Variants in DHX37 observed in about 807,000 individuals in gnomAD.
DHX37 encodes the protein DEAH-box helicase 37.
Under a neutral mutation model 134.3 loss-of-function variants are expected in DHX37, and 52 were observed. The ratio of observed to expected loss-of-function variants is 0.39; its 90% confidence interval spans 0.31 to 0.49. The LOEUF (loss-of-function observed/expected upper bound fraction) is 0.49. Ranked by LOEUF, DHX37 falls within the 20% of genes least tolerant of loss-of-function variation. The pLI is 0.93. For missense variants in DHX37, 1,344 were observed against 1,580.8 expected (o/e 0.85, Z 2.54); for synonymous variants, 634 against 670.7 (o/e 0.95, Z 0.85).
chr12:124,975,393 C>G (rs1460527041), intron 6 of DHX37, 26 bp downstream of exon 6: 1 of 1,609,994 alleles, frequency 6.2e-7, no homozygotes, highest in Non-Finnish European at 8.5e-7. Flanking sequence ...ACCCCATAGT[C>G]CGCCCCAGGG....
intron 13 of DHX37, 97 bp from the exon 14 acceptor site, chr12:124,965,103 C>A: frequency 7.4e-7 from 1 of 1,354,276 alleles, no homozygotes. Flanking sequence ...GCTGCTCCAC[C>A]AGAGCTCCTT....
chr12:124,968,519 T>C lies in DHX37; in HGVS notation c.1408+15A>G, dbSNP rs1954443649. 6.2e-7 allele frequency: 1 copy of C among 1,611,552 alleles called. No homozygotes were observed. The highest frequency in any genetic ancestry group is 8.5e-7 in the Non-Finnish European group (1 of 1,179,964). On this transcript the variant is annotated intron_variant, in intron 10 of 26. Coordinates refer to ENST00000308736, the MANE Select transcript of DHX37 (RefSeq NM_032656.4). The stretch of plus-strand genomic sequence containing the variant: ...GAAGGGAGGCTTCTTTCCCCTGACC[T>C]GGCCAGGGCCTCACCTGCGGGCAGC...
rs576351038 is a variant in DHX37, at chr12:124,953,844, C to T, written c.2695+36G>A. 10 of 1,601,812 alleles carry T rather than the reference C, an allele frequency of 6.2e-6. No homozygotes were observed. In the East Asian group the frequency reaches 6.7e-5, roughly 11 times the overall value. On this transcript the variant is annotated intron_variant, in intron 20 of 26. Coordinates refer to ENST00000308736, the MANE Select transcript of DHX37 (RefSeq NM_032656.4). ...TTTCAAGTGCCCAGGTCAGGTTGCCCGCCGGGTGCAGCGGCGTGCCGGCAC... is the reference window on the plus strand; with the variant it reads ...TTTCAAGTGCCCAGGTCAGGTTGCCTGCCGGGTGCAGCGGCGTGCCGGCAC...
chr12:124,947,816 TG>T lies in DHX37; in HGVS notation c.3459del (p.Thr1154ProfsTer82). 2.5e-6 allele frequency: 4 copies of T among 1,589,026 alleles called. No homozygotes were observed. The highest frequency in any genetic ancestry group is 3.4e-6 in the Non-Finnish European group (4 of 1,166,648). ...CAGGTTTCTGGTCAGTGGACAGTGG[TG>T]GGGGGCCAGGCTTTCTCGATATCGG... The part of the protein sequence containing the change: ...MHPDIEKAWP[P>X]TTVH On this transcript the variant is annotated frameshift_variant, in exon 27 of 27. Coordinates refer to ENST00000308736, the MANE Select transcript of DHX37 (RefSeq NM_032656.4). LOFTEE classifies it high-confidence loss of function.
chr12:124,984,865 A>G (rs1231622220), intron 2 of DHX37, among the ~76,000 whole-genome samples: 1 of 152,208 alleles, frequency 6.6e-6, no homozygotes, highest in Non-Finnish European at 1.5e-5. Context: ...CCTATTTGGA[A>G]AAAGGTTTTG....
intron 16 of DHX37, among the ~76,000 whole-genome samples, chr12:124,958,782 C>A (rs537170004): frequency 2.0e-5 from 3 of 151,688 alleles, no homozygotes; most frequent in African/African-American, 4.8e-5. Flanking sequence ...CCCACCATCA[C>A]GCCTGGCTAA....
At chr12:124,950,894 C>T in intron 21 of DHX37, 90 bp from the exon 22 acceptor site, 1 of 1,442,988 alleles carries the variant, frequency 6.9e-7, no homozygotes, top group East Asian at 2.7e-5. Context: ...TCTGATTATC[C>T]ACTCCAGCCG....
intron 15 of DHX37, among the ~76,000 whole-genome samples, chr12:124,963,821 A>G (rs1283653971): frequency 1.4e-5 from 2 of 145,394 alleles, no homozygotes; most frequent in Non-Finnish European, 3.0e-5. Flanking sequence ...TGGAGCTTCC[A>G]GTGAGCCAAG....
chr12:124,960,254 G>C, intron 16 of DHX37, 58 bp downstream of exon 16: 1 of 1,577,714 alleles, frequency 6.3e-7, no homozygotes, highest in Non-Finnish European at 8.6e-7. Flanking sequence ...CCCTGCCTCA[G>C]GGAAAGGGAG....
At chr12:124,985,552 T>A (rs1264077957) in intron 2 of DHX37, among the ~76,000 whole-genome samples, 1 of 137,824 alleles carries the variant, frequency 7.3e-6, no homozygotes, top group Non-Finnish European at 1.5e-5. Flanking sequence ...CTGGCTAACA[T>A]GATGAAACCC....
At chr12:124,957,606 T>C (rs1954124622) in intron 16 of DHX37, among the ~76,000 whole-genome samples, 1 of 151,960 alleles carries the variant, frequency 6.6e-6, no homozygotes, top group African/African-American at 2.4e-5. Context: ...ACCAATATGG[T>C]GAAACCCCCA....
At chr12:124,964,118 G>A (rs2135944396) in intron 15 of DHX37, among the ~76,000 whole-genome samples, 1 of 149,648 alleles carries the variant, frequency 6.7e-6, no homozygotes, top group Admixed American at 6.7e-5. Flanking sequence ...TTGCTTCAAC[G>A]TAGGAGGTGG....
chr12:124,958,288 A>G (rs1384726054), intron 16 of DHX37, among the ~76,000 whole-genome samples: 3 of 152,138 alleles, frequency 2.0e-5, no homozygotes, highest in Non-Finnish European at 4.4e-5. Flanking sequence ...GCAGGTAAGG[A>G]GGCAATGCTA....
chr12:124,986,371 G>T (rs911855474), intron 1 of DHX37, 106 bp from the exon 2 acceptor site: 1 of 1,211,168 alleles, frequency 8.3e-7, no homozygotes, highest in Admixed American at 2.2e-5. Context: ...CTGCACACAG[G>T]AACAGGGGGA....
chr12:124,949,818 C>T lies in DHX37; in HGVS notation c.3290+168G>A, dbSNP rs985612790. Among the ~76,000 whole-genome samples the T allele has an allele frequency of 1.3e-5, 2 of 152,156 alleles. No individual in the cohort carries two copies. Among genetic ancestry groups the T allele is most frequent in the Non-Finnish European group, 2.9e-5 (2 of 68,018 alleles). On this transcript the variant is annotated intron_variant, in intron 25 of 26. Transcript: ENST00000308736. The surrounding 1 kb of genome is among the most constrained non-coding windows in gnomAD (Gnocchi z 4.0). ...CGACAGAGGCAAGACGGACCCTCCC[C>T]GAGAGCCGCTGCACAGACCGTGGCT...
rs1384492326 is a variant in DHX37, at chr12:124,957,228, CCT to C, written c.2158-95_2158-94del. On this transcript the variant is annotated intron_variant, in intron 16 of 26. Transcript: ENST00000308736. ...TCTGTGGCAGGCACTCCCTCCAACC[CCT>C]CTCTCCGGGCTCAGCTCATGCCAGT... is the stretch of plus-strand genomic sequence containing the variant. 6.6e-6 allele frequency: 8 copies of C among 1,210,160 alleles called. No homozygotes were observed. In the African/African-American group the frequency reaches 1.1e-4, roughly 17 times the overall value. 75.0% of individuals were successfully genotyped at this position (1,210,160 alleles called of 1,614,324 possible). A position where few individuals can be genotyped will look rare whatever the true frequency, so the allele number is the denominator to read the frequency against.
intron 15 of DHX37, among the ~76,000 whole-genome samples, chr12:124,963,901 A>G (rs1273479048): frequency 7.4e-6 from 1 of 135,640 alleles, no homozygotes; most frequent in Non-Finnish European, 1.6e-5. Flanking sequence ...AAAAAAAAAA[A>G]AAAGAAACAG....
At chr12:124,974,243 C>T (rs1391563390) in intron 6 of DHX37, among the ~76,000 whole-genome samples, 4 of 151,764 alleles carry the variant, frequency 2.6e-5, no homozygotes, top group African/African-American at 7.3e-5. Context: ...CGTGAGCCAC[C>T]GCACCCGGCC....
chr12:124,950,391 C>T (rs1953953299), intron 23 of DHX37, 22 bp downstream of exon 23: 1 of 1,597,838 alleles, frequency 6.3e-7, no homozygotes, highest in Non-Finnish European at 8.5e-7. Flanking sequence ...CTCAGGTTGC[C>T]CAGGACACTG....
Sources: allele counts gnomAD v4.1 joint callset (sites outside exome capture counted in the v4.1 genomes callset), GRCh38; gene constraint gnomAD v4.1.1; non-coding constraint Gnocchi (gnomAD v3.1); transcripts MANE v1.5; gene names NCBI Gene and HGNC (gene_info 2026-07-23, HGNC 2026-07-21).